KCNH7: variants seen among roughly 807,000 people sequenced by gnomAD.
KCNH7 encodes the protein potassium voltage-gated channel subfamily H member 7, also known as voltage-gated inwardly rectifying potassium channel KCNH7.
Under a neutral mutation model 120.8 loss-of-function variants are expected in KCNH7, and 49 were observed. The observed-to-expected ratio is 0.41, with a 90% CI of 0.32 to 0.51. The LOEUF (loss-of-function observed/expected upper bound fraction) is 0.51, where lower values mean the gene tolerates loss of function less well. Ranked by LOEUF, KCNH7 falls within the 20% of genes least tolerant of loss-of-function variation. The pLI is 0.38. For missense variants in KCNH7, 1,097 were observed against 1,446.6 expected (o/e 0.76, Z 3.92); for synonymous variants, 547 against 516.1 (o/e 1.06, Z -0.81).
At chr2:162,398,259 G>A (rs1220624011) in intron 10 of KCNH7, among the ~76,000 whole-genome samples, 2 of 151,754 alleles carry the variant, frequency 1.3e-5, no homozygotes, top group Non-Finnish European at 2.9e-5. Context: ...CCTCACTGTA[G>A]AAGCTATCAA....
intron 3 of KCNH7, among the ~76,000 whole-genome samples, chr2:162,535,997 A>G (rs960609671): frequency 4.0e-5 from 6 of 151,830 alleles, no homozygotes; most frequent in African/African-American, 1.4e-4. Context: ...ACTCTGCACT[A>G]TACACCAAAA....
At chr2:162,771,098 G>A (rs975777500) in intron 2 of KCNH7, among the ~76,000 whole-genome samples, 1 of 152,034 alleles carries the variant, frequency 6.6e-6, no homozygotes, top group African/African-American at 2.4e-5. Flanking sequence ...TTCTTGCTTA[G>A]ACTATTGTAG....
intron 15 of KCNH7, among the ~76,000 whole-genome samples, chr2:162,372,700 T>TA (rs1199434700): frequency 6.6e-6 from 1 of 152,142 alleles, no homozygotes; most frequent in Non-Finnish European, 1.5e-5. Flanking sequence ...CCCGAACATC[T>TA]AAAAAAGTTT....
At chr2:162,722,024 C>T (rs569786209) in intron 2 of KCNH7, among the ~76,000 whole-genome samples, 1 of 152,154 alleles carries the variant, frequency 6.6e-6, no homozygotes, top group Admixed American at 6.5e-5. Context: ...TGACATACTT[C>T]TTTATGATGA....
At chr2:162,533,668 T>A (rs1692010475) in intron 3 of KCNH7, among the ~76,000 whole-genome samples, 1 of 151,574 alleles carries the variant, frequency 6.6e-6, no homozygotes, top group Non-Finnish European at 1.5e-5. Context: ...AGAGAAGCAA[T>A]ATTCATAAAA....
intron 6 of KCNH7, among the ~76,000 whole-genome samples, chr2:162,498,280 G>A (rs1352856009): frequency 6.6e-6 from 1 of 151,824 alleles, no homozygotes; most frequent in Non-Finnish European, 1.5e-5. Context: ...TAAAGGAAAT[G>A]TAAACTATTG....
At chr2:162,753,028 G>GAAAAGAAAAGAAAAAAA (rs1292002226) in intron 2 of KCNH7, among the ~76,000 whole-genome samples, 1 of 133,482 alleles carries the variant, frequency 7.5e-6, no homozygotes, top group Non-Finnish European at 1.6e-5. Context: ...GAAAAGAAAA[G>GAAAAGAAAAGAAAAAAA]AAACCCTGAC....
intron 2 of KCNH7, among the ~76,000 whole-genome samples, chr2:162,570,248 C>G (rs1026814098): frequency 6.6e-6 from 1 of 150,380 alleles, no homozygotes; most frequent in East Asian, 2.0e-4. Context: ...GGATAGTTAG[C>G]TCTTCTTGTT....
chr2:162,766,191 T>C (rs922201458), intron 2 of KCNH7, among the ~76,000 whole-genome samples: 9 of 152,202 alleles, frequency 5.9e-5, no homozygotes, highest in African/African-American at 2.2e-4. Flanking sequence ...GTTTTGTGTG[T>C]GTGTGTGTCA....
intron 2 of KCNH7, 78 bp from the exon 3 acceptor site, chr2:162,537,158 T>C: frequency 2.7e-6 from 3 of 1,121,360 alleles, no homozygotes; most frequent in Non-Finnish European, 3.8e-6. Flanking sequence ...AATTGAAATA[T>C]ACTCTTAAGG....
At chr2:162,542,946 C>G (rs2105840385) in intron 2 of KCNH7, among the ~76,000 whole-genome samples, 1 of 152,078 alleles carries the variant, frequency 6.6e-6, no homozygotes. Flanking sequence ...TTCTATAACT[C>G]TTATGCAAAA....
At chr2:162,542,458 T>A (rs945465680) in intron 2 of KCNH7, among the ~76,000 whole-genome samples, 5 of 133,322 alleles carry the variant, frequency 3.8e-5, no homozygotes, top group Admixed American at 8.1e-5. Context: ...TGTCCATGTG[T>A]TCTCACTGTT....
chr2:162,565,612 C>A (rs946285047), intron 2 of KCNH7, among the ~76,000 whole-genome samples: 3 of 151,984 alleles, frequency 2.0e-5, no homozygotes, highest in Non-Finnish European at 4.4e-5. Context: ...CTTAGTTATC[C>A]TGATGCTATA....
intron 6 of KCNH7, among the ~76,000 whole-genome samples, chr2:162,490,768 C>G (rs1690274742): frequency 6.6e-6 from 1 of 152,146 alleles, no homozygotes; most frequent in Non-Finnish European, 1.5e-5. Flanking sequence ...ATGGCATTTT[C>G]TTTCTTTTTC....
intron 9 of KCNH7, among the ~76,000 whole-genome samples, chr2:162,414,723 TA>T (rs1278945337): frequency 5.9e-5 from 9 of 151,972 alleles, no homozygotes; most frequent in Non-Finnish European, 1.3e-4. Flanking sequence ...ATGGGATGAG[TA>T]AAGTATAAAA....
At chr2:162,752,525 G>T (rs1253642157) in intron 2 of KCNH7, among the ~76,000 whole-genome samples, 1 of 151,786 alleles carries the variant, frequency 6.6e-6, no homozygotes, top group Non-Finnish European at 1.5e-5. Context: ...ATATTTTTCG[G>T]ATTTAAAAAT....
At chr2:162,509,734 A>C (rs1252168901) in intron 5 of KCNH7, among the ~76,000 whole-genome samples, 1 of 151,626 alleles carries the variant, frequency 6.6e-6, no homozygotes, top group Non-Finnish European at 1.5e-5. Flanking sequence ...AGCCTATGAG[A>C]AACAAGTTGT....
intron 2 of KCNH7, among the ~76,000 whole-genome samples, chr2:162,732,306 A>G (rs763033778): frequency 2.0e-5 from 3 of 152,186 alleles, no homozygotes; most frequent in Admixed American, 1.3e-4. Flanking sequence ...AATGCCACCA[A>G]TGATCAAGGA....
intron 2 of KCNH7, among the ~76,000 whole-genome samples, chr2:162,617,404 G>A (rs7561130): frequency 0.59 from 89,046 of 151,894 alleles, 26,896 homozygotes; most frequent in African/African-American, 0.73. Flanking sequence ...GCCTGAACCC[G>A]GGAGGCGGAG....
Sources: gnomAD v4.1 joint callset for allele counts (sites outside exome capture counted in the v4.1 genomes callset) on GRCh38, gnomAD v4.1.1 for gene constraint, MANE v1.5 for transcripts, NCBI Gene and HGNC (gene_info 2026-07-23, HGNC 2026-07-21) for gene names.